The following DSC1 variants were observed in gnomAD, a reference collection of about 807,000 sequenced individuals.
The protein encoded by DSC1 is desmocollin 1.
A neutral mutation model predicts 98.8 loss-of-function variants in DSC1; 79 were observed. That is an observed-to-expected ratio of 0.80 (90% CI 0.67 to 0.96). DSC1 has a LOEUF of 0.96. Among genes scored for constraint, DSC1 ranks in the 50% least tolerant of loss-of-function variants. The pLI, the probability that DSC1 is intolerant of heterozygous loss-of-function variation, is 0.00. For synonymous variants in DSC1, 405 were observed against 372.1 expected (o/e 1.09, Z -1.02); for missense variants, 1,115 against 1,075.9 (o/e 1.04, Z -0.51).
At position 31,139,811 on chromosome 18, in the gene DSC1, C is replaced by T; in HGVS notation, c.1600G>A (p.Asp534Asn). 1 of 1,612,354 alleles carries T rather than the reference C, an allele frequency of 6.2e-7. No homozygotes were observed. Among genetic ancestry groups the T allele is most frequent in the Non-Finnish European group, 8.5e-7 (1 of 1,179,370 alleles). The change falls in exon 11 of 16, where the codon GAT (aspartate) becomes AAT (asparagine). Residue 534 changes from aspartate to asparagine, a missense_variant. Asp to Asn is a conservative substitution (Grantham distance 23, BLOSUM62 1). Coordinates refer to ENST00000257198, the MANE Select transcript of DSC1 (RefSeq NM_024421.2). ...TGDLRTLKVL[D>N]RESKFVKNNQ... ...TTTTTTACAAATTTGGATTCTCTAT[C>T]TAGTACTTTTAGAGTTCTCAAGTCG...
At chr18:31,159,778 T>C (rs762646302) in intron 1 of DSC1, among the ~76,000 whole-genome samples, 1 of 152,204 alleles carries the variant, frequency 6.6e-6, no homozygotes, top group South Asian at 2.1e-4. Flanking sequence ...TCATATTGTG[T>C]CAATGCAAGA....
chr18:31,139,779 T>C lies in DSC1; in HGVS notation c.1632A>G (p.Gln544=), dbSNP rs781198190. The C allele has an allele frequency of 1.9e-6, 3 of 1,610,056 alleles. No individual in the cohort carries two copies. The highest frequency in any genetic ancestry group is 2.7e-5 in the African/African-American group (2 of 74,700). ...DRESKFVKNN[Q]YNISVVAVDA... Reference sequence around the variant, plus strand: ...CCACTGCAACAACTGAAATATTGTATTGGTTGTTTTTTACAAATTTGGATT... The same window carrying C: ...CCACTGCAACAACTGAAATATTGTACTGGTTGTTTTTTACAAATTTGGATT... The change falls in exon 11 of 16, where the codon CAA becomes CAG. Residue 544 remains glutamine (Q), a synonymous_variant. Transcript: ENST00000257198.
At chr18:31,134,189 C>A in intron 12 of DSC1, 59 bp from the exon 13 acceptor site, 1 of 1,553,358 alleles carries the variant, frequency 6.4e-7, no homozygotes, top group Non-Finnish European at 8.7e-7. Flanking sequence ...AGTATTATTC[C>A]TACTCAATAT....
At chr18:31,161,989 A>T (rs1349652965) in intron 1 of DSC1, among the ~76,000 whole-genome samples, 1 of 152,172 alleles carries the variant, frequency 6.6e-6, no homozygotes, top group African/African-American at 2.4e-5. Context: ...AGCTATTAAA[A>T]ACCCAAGTGG....
rs142676849 is a variant in DSC1, at chr18:31,159,460, T to G, written c.133A>C (p.Thr45Pro). Residue 45 changes from threonine to proline, a missense_variant, in exon 2 of 16, where the codon ACA (threonine) becomes CCA (proline). Thr to Pro is a conservative substitution (Grantham distance 38). Transcript: ENST00000257198. ...LRVPSHLQAE[T>P]LVGKVNLEEC... ...TGTTTCTCACCTTTGCCTACAAGTG[T>G]TTCAGCCTGAAGATGAGAAGGAACT... The G allele has an allele frequency of 3.9e-5, 63 of 1,613,464 alleles. 1 individual carries two copies. Among genetic ancestry groups the G allele is most frequent in the Non-Finnish European group, 5.2e-5 (61 of 1,179,784 alleles).
chr18:31,141,186 A>G (rs564049947), intron 9 of DSC1, among the ~76,000 whole-genome samples: 1 of 152,316 alleles, frequency 6.6e-6, no homozygotes, highest in South Asian at 2.1e-4. Flanking sequence ...AATAGTTAGA[A>G]AGAATCCTAA....
Position 31,150,324 on chromosome 18 carries a change from T to C in DSC1, c.628-1682A>G, listed in dbSNP as rs60298537. 8.8e-4 allele frequency among the ~76,000 whole-genome samples: 31 copies of C among 35,420 alleles called. 3 individuals are homozygous for C. Among genetic ancestry groups the C allele is most frequent in the East Asian group, 1.3e-3 (1 of 784 alleles). The allele number at this position is 35,420 out of a possible 152,430, so 23.2% of individuals were successfully genotyped here. ...ATCATCACCACCACTACTACCATCA[T>C]CACCACCACCACTACCATCACCACC... On this transcript the variant is annotated intron_variant, in intron 5 of 15. Coordinates refer to ENST00000257198, the MANE Select transcript of DSC1 (RefSeq NM_024421.2).
At chr18:31,159,208 C>A (rs541607437) in intron 2 of DSC1, among the ~76,000 whole-genome samples, 5 of 123,068 alleles carry the variant, frequency 4.1e-5, no homozygotes, top group Non-Finnish European at 6.9e-5. Context: ...CGCCCGCCAC[C>A]GCGCCCGGCT....
At chr18:31,142,265 A>G in intron 8 of DSC1, 81 bp from the exon 9 acceptor site, 1 of 1,439,258 alleles carries the variant, frequency 6.9e-7, no homozygotes, top group Non-Finnish European at 9.4e-7. Context: ...ATTTAAAGAA[A>G]AAAATAAATA....
intron 5 of DSC1, among the ~76,000 whole-genome samples, chr18:31,154,177 G>A (rs920670131): frequency 5.3e-5 from 8 of 151,608 alleles, no homozygotes; most frequent in Non-Finnish European, 1.0e-4. Flanking sequence ...GGTAGGATAA[G>A]ATAGAATCAA....
At chr18:31,155,484 G>T (rs2143927916) in intron 4 of DSC1, among the ~76,000 whole-genome samples, 1 of 152,060 alleles carries the variant, frequency 6.6e-6, no homozygotes, top group South Asian at 2.1e-4. Flanking sequence ...ACAAAAATTA[G>T]CTGGGCTTCG....
At chr18:31,159,370 C>A in intron 2 of DSC1, 75 bp downstream of exon 2, 2 of 1,510,562 alleles carry the variant, frequency 1.3e-6, no homozygotes, top group South Asian at 1.2e-5. Flanking sequence ...TGGTTTTTAT[C>A]CCAAACTTTA....
rs749116497 is a variant in DSC1 at position 31,134,833 on chromosome 18, T to C, written c.1664-49A>G. The C allele has an allele frequency of 6.0e-6, 9 of 1,510,212 alleles. 1 individual carries two copies. Among genetic ancestry groups the C allele is most frequent in the Non-Finnish European group, 7.3e-6 (8 of 1,102,072 alleles). 93.6% of individuals were successfully genotyped at this position (1,510,212 alleles called of 1,614,324 possible). A position where few individuals can be genotyped will look rare whatever the true frequency, so the allele number is the denominator to read the frequency against. ...ATTTCTTCACATGAAAATGCATTTA[T>C]TTTCAACAATTTATAAAATACACAG... On this transcript the variant is annotated intron_variant, in intron 11 of 15. Transcript: ENST00000257198.
intron 5 of DSC1, among the ~76,000 whole-genome samples, chr18:31,153,125 G>A (rs1327832867): frequency 4.6e-5 from 7 of 152,004 alleles, no homozygotes; most frequent in African/African-American, 1.7e-4. Context: ...ATTATAAACT[G>A]TTCTCTCCTT....
chr18:31,151,751 T>C (rs1192283419), intron 5 of DSC1, among the ~76,000 whole-genome samples: 3 of 152,078 alleles, frequency 2.0e-5, no homozygotes, highest in Non-Finnish European at 4.4e-5. Flanking sequence ...AGGCATTCAG[T>C]AGATGGGGCA....
chr18:31,159,948 T>C (rs2143937197), intron 1 of DSC1, among the ~76,000 whole-genome samples: 1 of 152,332 alleles, frequency 6.6e-6, no homozygotes, highest in East Asian at 1.9e-4. Flanking sequence ...TATTTGAAGT[T>C]ATAGTTGATG....
intron 15 of DSC1, chr18:31,131,339 T>C: frequency 2.1e-6 from 1 of 477,520 alleles, no homozygotes. Flanking sequence ...GAAGAGGCTA[T>C]GAACCTTTTA....
intron 1 of DSC1, among the ~76,000 whole-genome samples, chr18:31,161,719 AG>A (rs1291022676): frequency 6.6e-6 from 1 of 152,186 alleles, no homozygotes. Flanking sequence ...TACTAACTTA[AG>A]ATGGTATCTG....
chr18:31,139,708 G>T (rs760251396), intron 11 of DSC1, 40 bp downstream of exon 11: 4 of 1,508,598 alleles, frequency 2.7e-6, no homozygotes, highest in Non-Finnish European at 2.7e-6. Flanking sequence ...TTAAAAACAT[G>T]TCATATATTT....
Sources: allele counts gnomAD v4.1 joint callset (sites outside exome capture counted in the v4.1 genomes callset), GRCh38; gene constraint gnomAD v4.1.1; transcripts MANE v1.5; gene names NCBI Gene and HGNC (gene_info 2026-07-23, HGNC 2026-07-21).